The following ZNF462 variants were observed in gnomAD, a reference collection of about 807,000 sequenced individuals.
ZNF462 encodes zinc finger protein 462.
Under a neutral mutation model 201.9 loss-of-function variants are expected in ZNF462, and 10 were observed. The ratio of observed to expected loss-of-function variants is 0.05; its 90% CI spans 0.03 to 0.08. The LOEUF (loss-of-function observed/expected upper bound fraction) is 0.08, where lower values mean the gene tolerates loss of function less well. Ranked by LOEUF, ZNF462 falls within the 10% of genes least tolerant of loss-of-function variation. ZNF462 has a pLI of 1.00. For missense variants in ZNF462, 2,523 were observed against 3,168.3 expected, an observed-to-expected ratio of 0.80 and a Z score of 4.89; for synonymous variants, 1,227 against 1,193.3, an observed-to-expected ratio of 1.03 and a Z score of -0.58.
chr9:106,946,704 C>A (rs185384160), intron 7 of ZNF462, among the ~76,000 whole-genome samples: 6 of 151,868 alleles, frequency 4.0e-5, no homozygotes, highest in African/African-American at 1.2e-4. Context: ...TGTTGTGGCT[C>A]GTGCCTGTAA....
chr9:106,877,283 CA>C (rs1250471168), intron 1 of ZNF462, among the ~76,000 whole-genome samples: 1 of 136,672 alleles, frequency 7.3e-6, no homozygotes, highest in Non-Finnish European at 1.5e-5. Flanking sequence ...CCTGTACAAG[CA>C]AACTACTCAT....
At position 107,005,923 on chromosome 9, in the gene ZNF462, C is replaced by T. The variant is rs930427800; in HGVS notation, c.7189+2497C>T. Among the ~76,000 whole-genome samples, 3 of 152,098 alleles carry T rather than the reference C, an allele frequency of 2.0e-5. No homozygotes were observed. The highest frequency in any genetic ancestry group is 7.2e-5 in the African/African-American group (3 of 41,412). The stretch of plus-strand genomic sequence containing the variant: ...TGTGGATATCCACCTGTTCCAATAC[C>T]ATTTATTGAAGAGACTGCCCTTTCC... On this transcript the variant is annotated intron_variant, in intron 11 of 12. Coordinates refer to ENST00000277225, the MANE Select transcript of ZNF462 (RefSeq NM_021224.6). This position sits in a 1 kb window ranked among gnomAD's most constrained non-coding sequence, Gnocchi z 4.4.
rs776862166 is a variant in ZNF462 at position 106,925,177 on chromosome 9, A to G, written c.1265A>G (p.Asn422Ser). The change falls in exon 3 of 13, where the codon AAC becomes AGC. Residue 422 changes from asparagine to serine, a missense_variant. Asn to Ser is a conservative substitution (Grantham distance 46). Transcript: ENST00000277225. The surrounding 1 kb of genome is among the most constrained non-coding windows in gnomAD (Gnocchi z 7.9). ...SAEQLMGSDGNKLLETKGIPF... is the reference protein window; with the variant it reads ...SAEQLMGSDGSKLLETKGIPF... ...GAGCAGCTGATGGGCTCAGATGGCA[A>G]CAAATTATTGGAGACCAAGGGGATT... 6.2e-7 allele frequency: 1 copy of G among 1,614,242 alleles called. No individual in the cohort carries two copies.
In ZNF462 at chr9:106,919,182, CCACA is replaced by C. The variant is rs1829892464; in HGVS notation, c.-30-4171_-30-4168del. On this transcript the variant is annotated intron_variant, in intron 1 of 12. Transcript: ENST00000277225. The surrounding 1 kb of genome is among the most constrained non-coding windows in gnomAD (Gnocchi z 4.5). ...GAGAGCTGGGATTTTGACTTGAGGA[CCACA>C]TTTATGCTCCTGGGCCCTCAAACTA... Among the ~76,000 whole-genome samples the C allele has an allele frequency of 6.6e-6, 1 of 152,192 alleles. No homozygotes were observed. Among genetic ancestry groups the C allele is most frequent in the African/African-American group, 2.4e-5 (1 of 41,434 alleles).
intron 1 of ZNF462, among the ~76,000 whole-genome samples, chr9:106,921,570 C>T (rs1276515962): frequency 1.3e-5 from 2 of 152,308 alleles, no homozygotes; most frequent in East Asian, 3.9e-4. Context: ...GCTCATATCT[C>T]TTGAAAGTGT....
chr9:106,919,938 TCTTTTA>T lies in ZNF462; in HGVS notation c.-30-3410_-30-3405del, dbSNP rs1360002626. Among the ~76,000 whole-genome samples, 3 of 152,230 alleles carry T rather than the reference TCTTTTA, an allele frequency of 2.0e-5. No individual in the cohort carries two copies. Among genetic ancestry groups the T allele is most frequent in the African/African-American group, 7.2e-5 (3 of 41,470 alleles). The stretch of plus-strand genomic sequence containing the variant: ...CTTTTTAGTTAGTTCAGAAACTTCC[TCTTTTA>T]CTTTTGATTTTGCTGATTTTGGTGA... On this transcript the variant is annotated intron_variant, in intron 1 of 12. Transcript: ENST00000277225. This position sits in a 1 kb window ranked among gnomAD's most constrained non-coding sequence, Gnocchi z 4.5.
upstream of ZNF462, among the ~76,000 whole-genome samples, chr9:106,861,750 G>A (rs958507939): frequency 5.3e-5 from 8 of 152,262 alleles, no homozygotes; most frequent in South Asian, 6.2e-4. Context: ...TGGTGGTGGA[G>A]GGGGGGAACC....
chr9:106,883,784 T>G lies in ZNF462; in HGVS notation c.-31+20429T>G, dbSNP rs1039563170. 1.3e-5 allele frequency among the ~76,000 whole-genome samples: 2 copies of G among 152,196 alleles called. No homozygotes were observed. The highest frequency in any genetic ancestry group is 4.8e-5 in the African/African-American group (2 of 41,450). Reference sequence around the variant, plus strand: ...TCTACCTGGAATCAGCAGCCCTGGCTTGTTCATTTAGATGGACAGGGGAGC... The same window carrying G: ...TCTACCTGGAATCAGCAGCCCTGGCGTGTTCATTTAGATGGACAGGGGAGC... On this transcript the variant is annotated intron_variant, in intron 1 of 12. Transcript: ENST00000277225. The surrounding 1 kb of genome is among the most constrained non-coding windows in gnomAD (Gnocchi z 4.9).
chr9:106,867,132 A>G (rs1015694933), intron 1 of ZNF462, among the ~76,000 whole-genome samples: 17 of 152,230 alleles, frequency 1.1e-4, no homozygotes, highest in African/African-American at 4.1e-4. Flanking sequence ...CTAACTGGTT[A>G]TCTAAGACAC....
intron 1 of ZNF462, among the ~76,000 whole-genome samples, chr9:106,907,033 C>T (rs1450051836): frequency 6.6e-6 from 1 of 152,088 alleles, no homozygotes; most frequent in East Asian, 1.9e-4. Context: ...GCATCAAGTG[C>T]TCTTCAGCCT....
At chr9:106,959,021 G>T (rs933650065) in intron 7 of ZNF462, among the ~76,000 whole-genome samples, 16 of 152,148 alleles carry the variant, frequency 1.1e-4, no homozygotes, top group African/African-American at 3.4e-4. Flanking sequence ...AATTGAATTT[G>T]CCCTGAGATG....
In ZNF462 at chr9:106,926,548, C is replaced by G. The variant is rs1282664789; in HGVS notation, c.2636C>G (p.Pro879Arg). 1.2e-6 allele frequency: 2 copies of G among 1,614,110 alleles called. No homozygotes were observed. The highest frequency in any genetic ancestry group is 3.3e-5 in the Admixed American group (2 of 60,026). ...TTCAGCTTTAGGTACATCTTGGACCCCAATGATCACAGTGCAGTGTACAGG... is the reference window on the plus strand; with the variant it reads ...TTCAGCTTTAGGTACATCTTGGACCGCAATGATCACAGTGCAGTGTACAGG... ...IKFSFRYILD[P>R]NDHSAVYRCL... is the part of the protein sequence containing the mutation. Residue 879 changes from proline (P) to arginine (R), a missense_variant, in exon 3 of 13, where the codon CCC (proline) becomes CGC (arginine). This residue lies in a region of ZNF462 where 280 missense variants were observed against 321.3 expected (regional missense o/e 0.87). Transcript: ENST00000277225. The surrounding 1 kb of genome is among the most constrained non-coding windows in gnomAD (Gnocchi z 7.9).
chr9:106,864,907 T>C (rs1363825247), intron 1 of ZNF462, among the ~76,000 whole-genome samples: 2 of 152,162 alleles, frequency 1.3e-5, no homozygotes, highest in Non-Finnish European at 2.9e-5. Context: ...TGTCATGTTG[T>C]AACTCCACCA....
chr9:106,889,402 C>G (rs1276716257), intron 1 of ZNF462, among the ~76,000 whole-genome samples: 3 of 152,066 alleles, frequency 2.0e-5, no homozygotes. Context: ...AAAGTAATGC[C>G]GTGATGGGAT....
intron 7 of ZNF462, among the ~76,000 whole-genome samples, chr9:106,942,797 A>G (rs573278932): frequency 6.6e-6 from 1 of 152,336 alleles, no homozygotes; most frequent in East Asian, 1.9e-4. Context: ...TACACAGGAC[A>G]TGGGCAATGG....
Position 107,010,888 on chromosome 9 carries a change from G to A in ZNF462, c.7379G>A (p.Ser2460Asn). 2 of 1,613,560 alleles carry A rather than the reference G, an allele frequency of 1.2e-6. No homozygotes were observed. Among genetic ancestry groups the A allele is most frequent in the Non-Finnish European group, 1.7e-6 (2 of 1,179,788 alleles). ...EIHPKEIMEN[S>N]VKMPSIEEKE... ...CACCCAAAAGAGATCATGGAGAACA[G>A]TGTTAAAATGCCCTCCATAGAGGAA... The change falls in exon 13 of 13, where the codon AGT (serine) becomes AAT (asparagine). Residue 2460 changes from serine to asparagine, a missense_variant. Physicochemically the swap from Ser to Asn is conservative, Grantham distance 46. Around this residue, in one of 15 missense-constraint regions of ZNF462, gnomAD observed 67 missense variants for 63.2 expected, o/e 1.06. Coordinates refer to ENST00000277225, the MANE Select transcript of ZNF462 (RefSeq NM_021224.6). This position sits in a 1 kb window ranked among gnomAD's most constrained non-coding sequence, Gnocchi z 4.6.
In ZNF462 at chr9:106,972,339, C is replaced by T. The variant is rs1222690122; in HGVS notation, c.6695+67C>T. On this transcript the variant is annotated intron_variant, in intron 8 of 12. Transcript: ENST00000277225. This position sits in a 1 kb window ranked among gnomAD's most constrained non-coding sequence, Gnocchi z 4.8. ...CCCCTGCTCCACCCCTCACTGCAGG[C>T]TTCCCTTACACTTTCCTACTTGGAG... 1.3e-6 allele frequency: 2 copies of T among 1,558,506 alleles called. No individual in the cohort carries two copies. Among genetic ancestry groups the T allele is most frequent in the East Asian group, 2.2e-5 (1 of 44,548 alleles).
At chr9:106,960,275 C>T (rs755865029) in intron 7 of ZNF462, among the ~76,000 whole-genome samples, 6 of 152,080 alleles carry the variant, frequency 3.9e-5, no homozygotes, top group East Asian at 1.9e-4. Context: ...TTGTTCCCTC[C>T]GGGCTCTCAC....
At chr9:106,877,073 A>G (rs1008330844) in intron 1 of ZNF462, among the ~76,000 whole-genome samples, 2 of 152,176 alleles carry the variant, frequency 1.3e-5, no homozygotes, top group Non-Finnish European at 1.5e-5. Flanking sequence ...TTAAGGGTAG[A>G]TGATATTTTA....
Sources: allele counts gnomAD v4.1 joint callset (sites outside exome capture counted in the v4.1 genomes callset), GRCh38; gene constraint gnomAD v4.1.1; regional missense constraint gnomAD v4.1.1; non-coding constraint Gnocchi (gnomAD v3.1); transcripts MANE v1.5; gene names NCBI Gene and HGNC (gene_info 2026-07-23, HGNC 2026-07-21).